Variants in ADAMTS19 observed in about 807,000 individuals in gnomAD.
The protein encoded by ADAMTS19 is ADAM metallopeptidase with thrombospondin type 1 motif 19.
ADAMTS19 carries 93 observed loss-of-function variants against 153.3 expected under a neutral mutation model. The ratio of observed to expected loss-of-function variants is 0.61; its 90% CI spans 0.51 to 0.72. The LOEUF (loss-of-function observed/expected upper bound fraction) is 0.72. Among genes scored for constraint, ADAMTS19 ranks in the 30% least tolerant of loss-of-function variants. ADAMTS19 has a pLI of 0.00. For synonymous variants in ADAMTS19, 600 were observed against 556.6 expected (o/e 1.08, Z -1.10); for missense variants, 1,482 against 1,552.1 (o/e 0.95, Z 0.76).
chr5:129,560,448 G>C (rs1359323561), intron 7 of ADAMTS19, among the ~76,000 whole-genome samples: 1 of 152,172 alleles, frequency 6.6e-6, no homozygotes, highest in Non-Finnish European at 1.5e-5. Context: ...CTTTGTCCCA[G>C]TGCGATGGCT....
intron 2 of ADAMTS19, among the ~76,000 whole-genome samples, chr5:129,467,197 C>T (rs1486152927): frequency 2.6e-5 from 4 of 152,160 alleles, no homozygotes; most frequent in Non-Finnish European, 2.9e-5. Context: ...ACAAAGGAAG[C>T]GTCTGCTAGC....
chr5:129,622,232 C>T lies in ADAMTS19; in HGVS notation c.1654C>T (p.Pro552Ser). 6.2e-7 allele frequency: 1 copy of T among 1,614,100 alleles called. No homozygotes were observed. The highest frequency in any genetic ancestry group is 8.5e-7 in the Non-Finnish European group (1 of 1,179,994). ...KASNCLLQTN[P>S]QSVNSVMVPS... Reference sequence around the variant, plus strand: ...CAGTAACTGCTTGCTACAAACAAATCCGCAGAGTGTCAATTCTGTGATGGT... The same window carrying T: ...CAGTAACTGCTTGCTACAAACAAATTCGCAGAGTGTCAATTCTGTGATGGT... The change falls in exon 10 of 23, where the codon CCG becomes TCG. Residue 552 changes from proline to serine, a missense_variant. Physicochemically the swap from Pro to Ser is moderately conservative, Grantham distance 74 (BLOSUM62 -1). Coordinates refer to ENST00000274487, the MANE Select transcript of ADAMTS19 (RefSeq NM_133638.6).
At chr5:129,715,785 G>C (rs1756698009) in intron 21 of ADAMTS19, among the ~76,000 whole-genome samples, 2 of 152,318 alleles carry the variant, frequency 1.3e-5, no homozygotes, top group East Asian at 1.9e-4. Flanking sequence ...TCATCAGATA[G>C]TTAAATACTG....
At chr5:129,553,958 T>G (rs1266708010) in intron 7 of ADAMTS19, among the ~76,000 whole-genome samples, 1 of 151,874 alleles carries the variant, frequency 6.6e-6, no homozygotes, top group African/African-American at 2.4e-5. Flanking sequence ...TTTGTCTAAA[T>G]AAAAATAAGA....
At chr5:129,508,309 C>T (rs1431558434) in intron 2 of ADAMTS19, among the ~76,000 whole-genome samples, 1 of 151,828 alleles carries the variant, frequency 6.6e-6, no homozygotes, top group East Asian at 1.9e-4. Context: ...CAAGTCATAG[C>T]ATGTTCTTTC....
At chr5:129,537,031 C>T (rs931568431) in intron 6 of ADAMTS19, among the ~76,000 whole-genome samples, 7 of 150,908 alleles carry the variant, frequency 4.6e-5, no homozygotes, top group Admixed American at 4.6e-4. Flanking sequence ...GCACATTGTG[C>T]ACATGTACCC....
At chr5:129,620,510 C>T (rs1191505365) in intron 8 of ADAMTS19, 108 bp from the exon 9 acceptor site, 4 of 762,206 alleles carry the variant, frequency 5.2e-6, no homozygotes, top group East Asian at 3.4e-5. Flanking sequence ...ACAAATTTGG[C>T]CCCCAGTATT....
chr5:129,726,418 T>C (rs566243299), intron 21 of ADAMTS19, among the ~76,000 whole-genome samples: 2 of 152,274 alleles, frequency 1.3e-5, no homozygotes, highest in Non-Finnish European at 2.9e-5. Flanking sequence ...ATTTTAGCAT[T>C]TGGCTTTTTA....
At chr5:129,534,421 G>A (rs1010223691) in intron 6 of ADAMTS19, among the ~76,000 whole-genome samples, 9 of 152,090 alleles carry the variant, frequency 5.9e-5, no homozygotes, top group Non-Finnish European at 8.8e-5. Flanking sequence ...CTGAAATTGA[G>A]GCAATAATTA....
At chr5:129,631,504 C>A (rs1245500383) in intron 10 of ADAMTS19, among the ~76,000 whole-genome samples, 1 of 151,924 alleles carries the variant, frequency 6.6e-6, no homozygotes, top group Non-Finnish European at 1.5e-5. Context: ...TTGATTCATA[C>A]CTCGTAAGGC....
chr5:129,669,492 T>G (rs1012813340), intron 16 of ADAMTS19, among the ~76,000 whole-genome samples: 2 of 152,134 alleles, frequency 1.3e-5, no homozygotes, highest in Non-Finnish European at 2.9e-5. Flanking sequence ...ATTTGAGTCT[T>G]GTCTTTTCTT....
chr5:129,658,343 A>AAGAGAGAGAGAGAGAGAG (rs1344665969), intron 14 of ADAMTS19, among the ~76,000 whole-genome samples: 1 of 112,214 alleles, frequency 8.9e-6, no homozygotes, highest in African/African-American at 4.1e-5. Context: ...GAAAGAAAGA[A>AAGAGAGAGAGAGAGAGAG]AGAAAGAAAG....
intron 6 of ADAMTS19, among the ~76,000 whole-genome samples, chr5:129,532,554 G>T (rs1276163727): frequency 6.6e-6 from 1 of 152,060 alleles, no homozygotes; most frequent in Non-Finnish European, 1.5e-5. Flanking sequence ...TTAAACATTT[G>T]CTTACCATTT....
At chr5:129,691,594 T>C (rs1440337171) in intron 18 of ADAMTS19, among the ~76,000 whole-genome samples, 1 of 152,204 alleles carries the variant, frequency 6.6e-6, no homozygotes, top group African/African-American at 2.4e-5. Flanking sequence ...GTAATACGTC[T>C]GTAGCTGAGC....
At chr5:129,695,107 AT>A (rs1755496736) in intron 19 of ADAMTS19, among the ~76,000 whole-genome samples, 1 of 152,128 alleles carries the variant, frequency 6.6e-6, no homozygotes, top group Admixed American at 6.6e-5. Flanking sequence ...ATTTAAAATC[AT>A]TTCATAACCT....
At chr5:129,635,434 T>C (rs550370257) in intron 10 of ADAMTS19, among the ~76,000 whole-genome samples, 1 of 152,356 alleles carries the variant, frequency 6.6e-6, no homozygotes, top group East Asian at 1.9e-4. Context: ...TCAGTTATTC[T>C]GTTATAAAGA....
At chr5:129,666,430 T>C (rs1183887891) in intron 16 of ADAMTS19, among the ~76,000 whole-genome samples, 1 of 152,152 alleles carries the variant, frequency 6.6e-6, no homozygotes, top group East Asian at 1.9e-4. Flanking sequence ...ACAAAAATAA[T>C]GTCCTCCCTA....
chr5:129,501,711 A>G (rs145041905), intron 2 of ADAMTS19, among the ~76,000 whole-genome samples: 270 of 152,048 alleles, frequency 1.8e-3, no homozygotes, highest in African/African-American at 6.2e-3. Context: ...TTTTTTTTCA[A>G]TTATAAAATG....
Position 129,469,570 on chromosome 5 carries a change from C to CA in ADAMTS19, c.747+7817dup, listed in dbSNP as rs1339312530. On this transcript the variant is annotated intron_variant, in intron 2 of 22. Coordinates refer to ENST00000274487, the MANE Select transcript of ADAMTS19 (RefSeq NM_133638.6). ...TTTTAGAGAAATATCTATATATGTG[C>CA]AAAAGGTTTATGTATAAACCTATTC... Among the ~76,000 whole-genome samples, 3 of 152,212 alleles carry CA rather than the reference C, an allele frequency of 2.0e-5. No homozygotes were observed. In the East Asian group the frequency reaches 5.8e-4, roughly 29 times the overall value.
Sources: allele counts gnomAD v4.1 joint callset (sites outside exome capture counted in the v4.1 genomes callset), GRCh38; gene constraint gnomAD v4.1.1; transcripts MANE v1.5; gene names NCBI Gene and HGNC (gene_info 2026-07-23, HGNC 2026-07-21).